Variants in STPG4 observed in about 807,000 individuals in gnomAD.
STPG4 encodes protein STPG4.
A neutral mutation model predicts 31.5 loss-of-function variants in STPG4; 41 were observed. The observed-to-expected ratio is 1.30, with a 90% CI of 1.01 to 1.69. The LOEUF (loss-of-function observed/expected upper bound fraction) is 1.69. Among genes scored for constraint, STPG4 ranks in the 40% most tolerant of loss-of-function variants. The probability of loss-of-function intolerance (pLI) is 0.00; values close to 1 mark genes in which losing one functional copy is unlikely to be tolerated. For missense variants in STPG4, 375 were observed against 293.4 expected (o/e 1.28, Z -2.03); for synonymous variants, 141 against 103.0 (o/e 1.37, Z -2.24).
intron 3 of STPG4, among the ~76,000 whole-genome samples, chr2:47,148,763 G>C (rs1449872423): frequency 6.6e-6 from 1 of 152,108 alleles, no homozygotes; most frequent in Non-Finnish European, 1.5e-5. Context: ...TCCCACCTAT[G>C]AGTGAGAACA....
intron 3 of STPG4, among the ~76,000 whole-genome samples, chr2:47,143,662 G>A (rs1295238949): frequency 6.6e-6 from 1 of 151,546 alleles, no homozygotes; most frequent in East Asian, 1.9e-4. Flanking sequence ...ATTTTTTTTT[G>A]TATTTTTAGT....
intron 3 of STPG4, among the ~76,000 whole-genome samples, chr2:47,139,841 T>A (rs549402608): frequency 6.6e-6 from 1 of 152,212 alleles, no homozygotes; most frequent in East Asian, 1.9e-4. Flanking sequence ...TACTTCTAAA[T>A]CTCAGCCCAC....
intron 5 of STPG4, among the ~76,000 whole-genome samples, chr2:47,101,947 G>A (rs547834341): frequency 6.6e-6 from 1 of 151,724 alleles, no homozygotes; most frequent in Non-Finnish European, 1.5e-5. Flanking sequence ...GAATGTGTCG[G>A]TAAGGGCCAC....
intron 6 of STPG4, among the ~76,000 whole-genome samples, chr2:47,088,792 C>G (rs533130756): frequency 6.6e-6 from 1 of 152,324 alleles, no homozygotes; most frequent in African/African-American, 2.4e-5. Context: ...AGCAGAGGAG[C>G]AGCCTGGAAA....
intron 2 of STPG4, among the ~76,000 whole-genome samples, chr2:47,152,535 T>A (rs1686958872): frequency 6.6e-6 from 1 of 152,240 alleles, no homozygotes; most frequent in South Asian, 2.1e-4. Context: ...TTCTGGTCAT[T>A]TTTCTTCCAT....
chr2:47,090,514 T>A (rs913119256), intron 5 of STPG4, 140 bp from the exon 6 acceptor site: 1 of 622,602 alleles, frequency 1.6e-6, no homozygotes, highest in Non-Finnish European at 2.8e-6. Context: ...GAGATCTCTT[T>A]AAGGTGTGAG....
At chr2:47,122,086 C>T (rs1183631749) in intron 5 of STPG4, among the ~76,000 whole-genome samples, 1 of 152,208 alleles carries the variant, frequency 6.6e-6, no homozygotes, top group African/African-American at 2.4e-5. Context: ...CTTTTAGTCT[C>T]TCACACACTT....
At chr2:47,087,172 A>G in intron 6 of STPG4, 42 bp from the exon 7 acceptor site, 1 of 1,547,158 alleles carries the variant, frequency 6.5e-7, no homozygotes, top group Non-Finnish European at 8.7e-7. Flanking sequence ...AGACAGTGAA[A>G]CCAAAACCCT....
At chr2:47,106,684 C>T (rs116170922) in intron 5 of STPG4, among the ~76,000 whole-genome samples, 3,844 of 151,866 alleles carry the variant, frequency 0.025, 78 homozygotes, top group Middle Eastern at 0.11. Flanking sequence ...TACCGCCCGG[C>T]GTTTACAGGA....
At chr2:47,122,992 AT>A (rs766538118) in intron 5 of STPG4, among the ~76,000 whole-genome samples, 57 of 151,944 alleles carry the variant, frequency 3.8e-4, no homozygotes, top group Middle Eastern at 3.2e-3. Context: ...CGCCCAGCTA[AT>A]TTTTGTATTT....
intron 3 of STPG4, among the ~76,000 whole-genome samples, chr2:47,145,864 T>C (rs1053800340): frequency 6.6e-6 from 1 of 152,110 alleles, no homozygotes; most frequent in Non-Finnish European, 1.5e-5. Context: ...TAGCTATAGA[T>C]GCCAAGAAAA....
chr2:47,098,455 C>T (rs1685721995), intron 5 of STPG4, among the ~76,000 whole-genome samples: 1 of 152,184 alleles, frequency 6.6e-6, no homozygotes, highest in African/African-American at 2.4e-5. Flanking sequence ...GAACCAGTTA[C>T]TGGCCTTGCT....
chr2:47,095,884 T>C (rs1163685659), intron 5 of STPG4, among the ~76,000 whole-genome samples: 6 of 152,054 alleles, frequency 3.9e-5, no homozygotes, highest in Non-Finnish European at 7.4e-5. Context: ...AGAGGGCATA[T>C]TGTGTTTCTT....
intron 5 of STPG4, among the ~76,000 whole-genome samples, chr2:47,127,252 C>CTTTTTTTTTTTTGTTTTTTTTTTTTTTT (rs1686383460): frequency 1.7e-5 from 1 of 57,456 alleles, no homozygotes; most frequent in Non-Finnish European, 2.8e-5. Flanking sequence ...CAAGCTAATT[C>CTTTTTTTTTTTTGTTTTTTTTTTTTTTT]TTTTTTTTTT....
intron 5 of STPG4, among the ~76,000 whole-genome samples, chr2:47,107,674 G>A (rs972646730): frequency 6.6e-5 from 10 of 152,180 alleles, no homozygotes; most frequent in Admixed American, 3.3e-4. Flanking sequence ...GGCACATGGT[G>A]CGGGACTGGC....
chr2:47,103,872 T>C lies in STPG4; in HGVS notation c.520-13498A>G, dbSNP rs549427374. Among the ~76,000 whole-genome samples, 8 of 152,018 alleles carry C rather than the reference T, an allele frequency of 5.3e-5. No individual in the cohort carries two copies. In the East Asian group the frequency reaches 1.5e-3, roughly 29 times the overall value. On this transcript the variant is annotated intron_variant, in intron 5 of 6. Coordinates refer to ENST00000445927, the MANE Select transcript of STPG4 (RefSeq NM_001163561.2). ...AGGAAATTGACTTCCTCCTGGACAC[T>C]GGCACAGCCTTCTCAGTGTTAATCT...
chr2:47,114,697 C>A (rs887256508), intron 5 of STPG4, among the ~76,000 whole-genome samples: 12 of 152,172 alleles, frequency 7.9e-5, no homozygotes, highest in African/African-American at 2.9e-4. Context: ...TCCCTTCCTG[C>A]AGACAGGTTC....
intron 5 of STPG4, among the ~76,000 whole-genome samples, chr2:47,099,303 G>C (rs1043961414): frequency 6.6e-6 from 1 of 152,202 alleles, no homozygotes; most frequent in Non-Finnish European, 1.5e-5. Context: ...CTCAAACTTG[G>C]ACAGGGCTGG....
chr2:47,117,415 G>C (rs1029634744), intron 5 of STPG4, among the ~76,000 whole-genome samples: 1 of 152,110 alleles, frequency 6.6e-6, no homozygotes, highest in African/African-American at 2.4e-5. Context: ...CTCCATGTTG[G>C]TCAGGCTGGT....
Sources: allele counts gnomAD v4.1 joint callset (sites outside exome capture counted in the v4.1 genomes callset), GRCh38; gene constraint gnomAD v4.1.1; transcripts MANE v1.5; gene names NCBI Gene and HGNC (gene_info 2026-07-23, HGNC 2026-07-21).